The following PAPSS1 variants were observed in gnomAD, a reference collection of about 807,000 sequenced individuals.
PAPSS1 encodes bifunctional 3'-phosphoadenosine 5'-phosphosulfate synthase 1.
In PAPSS1, 50 loss-of-function variants were observed where a neutral mutation model predicts 72.0. The ratio of observed to expected loss-of-function variants is 0.69; its 90% confidence interval spans 0.55 to 0.88. The LOEUF is 0.88. Ranked by LOEUF, PAPSS1 falls within the 40% of genes least tolerant of loss-of-function variation. The pLI is 0.00. For missense variants in PAPSS1, 657 were observed against 782.2 expected, an observed-to-expected ratio of 0.84 and a Z score of 1.91; for synonymous variants, 261 against 263.6, an observed-to-expected ratio of 0.99 and a Z score of 0.09.
At chr4:107,646,934 C>T (rs1185156021) in intron 9 of PAPSS1, among the ~76,000 whole-genome samples, 1 of 152,196 alleles carries the variant, frequency 6.6e-6, no homozygotes, top group East Asian at 1.9e-4. Context: ...CTTCTGTTCC[C>T]TACATCTCAT....
intron 9 of PAPSS1, among the ~76,000 whole-genome samples, chr4:107,649,168 G>T (rs1281288536): frequency 1.3e-5 from 2 of 152,240 alleles, no homozygotes; most frequent in East Asian, 3.9e-4. Flanking sequence ...TCCCCTAGAA[G>T]GGGCTGTTGT....
At chr4:107,709,358 C>A (rs934515432) in intron 1 of PAPSS1, among the ~76,000 whole-genome samples, 8 of 152,212 alleles carry the variant, frequency 5.3e-5, no homozygotes, top group African/African-American at 1.7e-4. Flanking sequence ...TTGCCTTTAA[C>A]CTCCAAACTG....
intron 1 of PAPSS1, among the ~76,000 whole-genome samples, chr4:107,717,270 T>C (rs921966762): frequency 3.9e-5 from 6 of 152,192 alleles, no homozygotes; most frequent in African/African-American, 1.4e-4. Flanking sequence ...ATTATATACA[T>C]GGCTCATATT....
In PAPSS1 at chr4:107,639,215, C is replaced by T. The variant is rs144113480; in HGVS notation, c.1506+5587G>A. Among the ~76,000 whole-genome samples, 40 of 152,268 alleles carry T rather than the reference C, an allele frequency of 2.6e-4. No individual in the cohort carries two copies. The East Asian group carries it at 6.8e-3, about 26-fold the overall frequency. ...ATGAAAAGCAACCTATAAACACCTG[C>T]AAAATCTGATGCTTCCTAATGAAAT... is the stretch of plus-strand genomic sequence containing the variant. On this transcript the variant is annotated intron_variant, in intron 10 of 11. Transcript: ENST00000265174.
In PAPSS1 at chr4:107,665,077, A is replaced by T. The variant is rs1343123427; in HGVS notation, c.670-5005T>A. On this transcript the variant is annotated intron_variant, in intron 5 of 11. Transcript: ENST00000265174. ...TTGCTACTGTTTTTCTCTTCTAAAA[A>T]AGATACAGAGAGTGAATGTTTTGGG... 2.0e-5 allele frequency among the ~76,000 whole-genome samples: 3 copies of T among 152,354 alleles called. No homozygotes were observed. The East Asian group carries it at 5.8e-4, about 29-fold the overall frequency.
At position 107,631,839 on chromosome 4, in the gene PAPSS1, G is replaced by A. The variant is rs1158622302; in HGVS notation, c.1528C>T (p.Arg510Trp). The change falls in exon 11 of 12, where the codon CGG becomes TGG. Residue 510 changes from arginine (R) to tryptophan (W), a missense_variant. Arg to Trp is a moderately radical substitution (Grantham distance 101). Coordinates refer to ENST00000265174, the MANE Select transcript of PAPSS1 (RefSeq NM_005443.5). The stretch of plus-strand genomic sequence containing the variant: ...TAAAAGTTGGCTCCTGCAACCATCC[G>A]TGCTCTGCAATGCCACTGGACCTAG... ...PTEVQWHCRARMVAGANFYIV... is the reference protein window; with the variant it reads ...PTEVQWHCRAWMVAGANFYIV... The A allele has an allele frequency of 2.5e-6, 4 of 1,613,436 alleles. No individual in the cohort carries two copies. The highest frequency in any genetic ancestry group is 1.1e-5 in the South Asian group (1 of 91,044).
intron 9 of PAPSS1, among the ~76,000 whole-genome samples, chr4:107,652,373 TG>T (rs1187883653): frequency 1.3e-5 from 2 of 152,128 alleles, no homozygotes; most frequent in Non-Finnish European, 2.9e-5. Context: ...AGAAAGAGTA[TG>T]GGTGCACCAA....
chr4:107,672,508 T>C (rs1418757045), intron 5 of PAPSS1, among the ~76,000 whole-genome samples: 2 of 152,072 alleles, frequency 1.3e-5, no homozygotes, highest in African/African-American at 2.4e-5. Context: ...AAGGTGGCAG[T>C]GAGGCTGGGG....
At chr4:107,638,697 G>A (rs986351906) in intron 10 of PAPSS1, among the ~76,000 whole-genome samples, 1 of 152,112 alleles carries the variant, frequency 6.6e-6, no homozygotes, top group African/African-American at 2.4e-5. Context: ...AGGCAACCAT[G>A]GTGATAAAGC....
intron 1 of PAPSS1, 159 bp downstream of exon 1, chr4:107,719,961 A>T: frequency 7.1e-7 from 1 of 1,408,234 alleles, no homozygotes; most frequent in South Asian, 1.5e-5. Flanking sequence ...CCTCGCAACC[A>T]CCCACGGCCC....
chr4:107,704,625 C>T (rs1723288663), intron 1 of PAPSS1, among the ~76,000 whole-genome samples: 1 of 152,094 alleles, frequency 6.6e-6, no homozygotes, highest in Admixed American at 6.6e-5. Flanking sequence ...TTTTGCCCTA[C>T]ATTCTGTTAG....
intron 1 of PAPSS1, among the ~76,000 whole-genome samples, chr4:107,707,625 G>T (rs1400045385): frequency 6.6e-6 from 1 of 152,166 alleles, no homozygotes; most frequent in Non-Finnish European, 1.5e-5. Context: ...GCTGCCTGAG[G>T]TTGCAGGCTG....
At chr4:107,665,355 C>T (rs1315475778) in intron 5 of PAPSS1, among the ~76,000 whole-genome samples, 1 of 152,206 alleles carries the variant, frequency 6.6e-6, no homozygotes, top group Non-Finnish European at 1.5e-5. Flanking sequence ...ATCTGGACAA[C>T]AGAAAGTTGG....
chr4:107,678,364 C>G (rs559031581), intron 5 of PAPSS1, among the ~76,000 whole-genome samples: 1 of 151,834 alleles, frequency 6.6e-6, no homozygotes, highest in Non-Finnish European at 1.5e-5. Flanking sequence ...GCATTGAAAA[C>G]AAAACACAGA....
At chr4:107,720,028 G>T in intron 1 of PAPSS1, 92 bp downstream of exon 1, 1 of 1,560,790 alleles carries the variant, frequency 6.4e-7, no homozygotes, top group Middle Eastern at 1.8e-4. Flanking sequence ...AAGGATGGAT[G>T]CGGAGGAGGC....
intron 8 of PAPSS1, among the ~76,000 whole-genome samples, chr4:107,654,013 T>C (rs901670334): frequency 6.6e-6 from 1 of 152,212 alleles, no homozygotes; most frequent in African/African-American, 2.4e-5. Flanking sequence ...TCGATACAAA[T>C]TCATGCCTTC....
intron 4 of PAPSS1, among the ~76,000 whole-genome samples, chr4:107,685,280 T>C (rs1437893979): frequency 6.6e-6 from 1 of 152,216 alleles, no homozygotes; most frequent in Non-Finnish European, 1.5e-5. Flanking sequence ...CAATGTACTG[T>C]GCTAAATTCT....
intron 5 of PAPSS1, among the ~76,000 whole-genome samples, chr4:107,674,522 G>T (rs1381847029): frequency 6.6e-6 from 1 of 152,176 alleles, no homozygotes; most frequent in Non-Finnish European, 1.5e-5. Flanking sequence ...GGAGCACCCA[G>T]ATTCATAAAG....
intron 11 of PAPSS1, 115 bp downstream of exon 11, chr4:107,631,516 T>C: frequency 1.5e-6 from 1 of 668,704 alleles, no homozygotes; most frequent in Non-Finnish European, 2.5e-6. Flanking sequence ...TACCTTTCTC[T>C]GACATGAGTA....
Sources: allele counts gnomAD v4.1 joint callset (sites outside exome capture counted in the v4.1 genomes callset), GRCh38; gene constraint gnomAD v4.1.1; transcripts MANE v1.5; gene names NCBI Gene and HGNC (gene_info 2026-07-23, HGNC 2026-07-21).